The following TAFA4 variants were observed in gnomAD, a reference collection of about 807,000 sequenced individuals.
TAFA4 encodes TAFA chemokine like family member 4.
TAFA4 carries 20 observed loss-of-function variants against 21.1 expected under a neutral mutation model. The ratio of observed to expected loss-of-function variants is 0.95; its 90% CI spans 0.67 to 1.38. The LOEUF is 1.38. Ranked by LOEUF, TAFA4 falls within the 40% of genes most tolerant of loss-of-function variation. The pLI is 0.00. For missense variants in TAFA4, 211 were observed against 180.9 expected (o/e 1.17, Z -0.95); for synonymous variants, 71 against 67.4 (o/e 1.05, Z -0.26).
chr3:68,895,836 A>G (rs1005006686), intron 1 of TAFA4, among the ~76,000 whole-genome samples: 1 of 152,190 alleles, frequency 6.6e-6, no homozygotes, highest in East Asian at 1.9e-4. Context: ...AATAAGGTTA[A>G]CTGTGGACTG....
At chr3:68,898,081 A>G (rs924785202) in intron 1 of TAFA4, among the ~76,000 whole-genome samples, 1 of 152,186 alleles carries the variant, frequency 6.6e-6, no homozygotes, top group Admixed American at 6.5e-5. Context: ...AGTGAGTGCA[A>G]TCAGGAGAGC....
chr3:68,865,467 T>C (rs1376687100), intron 3 of TAFA4, among the ~76,000 whole-genome samples: 1 of 152,016 alleles, frequency 6.6e-6, no homozygotes, highest in East Asian at 1.9e-4. Context: ...TCTCACGAGA[T>C]CTGATGGTTT....
At chr3:68,735,947 A>ATG (rs1702234100) in intron 5 of TAFA4, among the ~76,000 whole-genome samples, 1 of 152,134 alleles carries the variant, frequency 6.6e-6, no homozygotes, top group South Asian at 2.1e-4. Flanking sequence ...CATCCTCACA[A>ATG]TGTGTGATGA....
At chr3:68,909,561 G>A (rs1384451207) in intron 1 of TAFA4, among the ~76,000 whole-genome samples, 1 of 152,118 alleles carries the variant, frequency 6.6e-6, no homozygotes, top group Admixed American at 6.5e-5. Flanking sequence ...CAATCTGGAG[G>A]AGCCCCAAGG....
chr3:68,899,161 A>G (rs1455023082), intron 1 of TAFA4, among the ~76,000 whole-genome samples: 2 of 152,224 alleles, frequency 1.3e-5, no homozygotes, highest in Non-Finnish European at 2.9e-5. Context: ...AAATACCTTT[A>G]AAATATTTCC....
intron 3 of TAFA4, among the ~76,000 whole-genome samples, chr3:68,753,509 T>C (rs1702600719): frequency 6.6e-6 from 1 of 151,986 alleles, no homozygotes; most frequent in Non-Finnish European, 1.5e-5. Flanking sequence ...GTAATTTTTA[T>C]ATTTTTAGTA....
At chr3:68,803,918 C>A (rs1008956232) in intron 3 of TAFA4, among the ~76,000 whole-genome samples, 1 of 145,398 alleles carries the variant, frequency 6.9e-6, no homozygotes, top group African/African-American at 2.6e-5. Context: ...GATTCTCTTG[C>A]CTGGGATTAC....
chr3:68,846,727 G>T lies in TAFA4; in HGVS notation c.130+34003C>A, dbSNP rs183886628. ...CTGTGTGGATGTCCTTTTTGTTGAT[G>T]TTGATGCTATTGCTTTGTTTGCTAG... is the stretch of plus-strand genomic sequence containing the variant. On this transcript the variant is annotated intron_variant, in intron 3 of 5. Transcript: ENST00000295569. Among the ~76,000 whole-genome samples, 278 of 152,232 alleles carry T rather than the reference G, an allele frequency of 1.8e-3. 2 individuals carry two copies. The highest frequency in any genetic ancestry group is 6.4e-3 in the African/African-American group (267 of 41,560).
intron 1 of TAFA4, among the ~76,000 whole-genome samples, chr3:68,925,863 G>A (rs2090103325): frequency 6.6e-6 from 1 of 152,142 alleles, no homozygotes; most frequent in Admixed American, 6.5e-5. Flanking sequence ...TTCATCAAAA[G>A]CCCTCTAATG....
chr3:68,778,970 A>C (rs1052715507), intron 3 of TAFA4, among the ~76,000 whole-genome samples: 26 of 152,336 alleles, frequency 1.7e-4, no homozygotes, highest in African/African-American at 5.5e-4. Flanking sequence ...GAATTTCCTA[A>C]AGACTTGTTG....
intron 3 of TAFA4, among the ~76,000 whole-genome samples, chr3:68,755,418 C>A (rs554711183): frequency 6.6e-6 from 1 of 152,230 alleles, no homozygotes; most frequent in South Asian, 2.1e-4. Flanking sequence ...GTGAGTAATT[C>A]CACTCTGAAC....
intron 2 of TAFA4, chr3:68,883,046 C>G (rs552794948): frequency 2.6e-5 from 4 of 152,366 alleles, no homozygotes; most frequent in Non-Finnish European, 2.9e-5. Flanking sequence ...TGGACAGGAG[C>G]AGTTTGAAAC....
At chr3:68,843,622 T>A (rs937995990) in intron 3 of TAFA4, among the ~76,000 whole-genome samples, 4 of 152,366 alleles carry the variant, frequency 2.6e-5, no homozygotes, top group Non-Finnish European at 4.4e-5. Flanking sequence ...GCTTCCACGT[T>A]TTGCCATTCA....
intron 3 of TAFA4, among the ~76,000 whole-genome samples, chr3:68,804,173 C>T (rs1345000188): frequency 6.6e-6 from 1 of 152,076 alleles, no homozygotes; most frequent in Non-Finnish European, 1.5e-5. Flanking sequence ...TTCAATTCAA[C>T]CCCTTAAGGA....
At chr3:68,873,377 C>CA (rs55674760) in intron 3 of TAFA4, among the ~76,000 whole-genome samples, 6 of 142,420 alleles carry the variant, frequency 4.2e-5, no homozygotes, top group South Asian at 2.7e-4. Context: ...CACACACACA[C>CA]CCTGGGCCAG....
chr3:68,891,424 G>A (rs1230671848), intron 1 of TAFA4, among the ~76,000 whole-genome samples: 1 of 152,186 alleles, frequency 6.6e-6, no homozygotes, highest in Non-Finnish European at 1.5e-5. Flanking sequence ...TCCAGAGTGA[G>A]GAGGTTTGGA....
At chr3:68,905,502 A>C (rs948155037) in intron 1 of TAFA4, among the ~76,000 whole-genome samples, 1 of 152,108 alleles carries the variant, frequency 6.6e-6, no homozygotes, top group Non-Finnish European at 1.5e-5. Context: ...ATTCATAAAA[A>C]ATTAATATGT....
chr3:68,859,931 A>G (rs552214567), intron 3 of TAFA4, among the ~76,000 whole-genome samples: 25 of 152,276 alleles, frequency 1.6e-4, no homozygotes, highest in African/African-American at 6.0e-4. Context: ...CTTCTGCAAG[A>G]TAGTTCAACT....
chr3:68,748,838 T>C (rs554844333), intron 4 of TAFA4, among the ~76,000 whole-genome samples: 1 of 152,350 alleles, frequency 6.6e-6, no homozygotes, highest in Admixed American at 6.5e-5. Flanking sequence ...AGCTTTTGTT[T>C]TATTAGTCTT....
Sources: gnomAD v4.1 joint callset for allele counts (sites outside exome capture counted in the v4.1 genomes callset) on GRCh38, gnomAD v4.1.1 for gene constraint, MANE v1.5 for transcripts, NCBI Gene and HGNC (gene_info 2026-07-23, HGNC 2026-07-21) for gene names.